FSD2: variants seen among roughly 807,000 people sequenced by gnomAD.
The protein encoded by FSD2 is fibronectin type III and SPRY domain containing 2.
Under a neutral mutation model 80.4 loss-of-function variants are expected in FSD2, and 71 were observed. The ratio of observed to expected loss-of-function variants is 0.88; its 90% CI spans 0.73 to 1.08. The LOEUF (loss-of-function observed/expected upper bound fraction) is 1.08. Among genes scored for constraint, FSD2 ranks in the 50% least tolerant of loss-of-function variants. The pLI is 0.00. For missense variants in FSD2, 923 were observed against 913.8 expected (o/e 1.01, Z -0.13); for synonymous variants, 361 against 329.5 (o/e 1.10, Z -1.03).
At chr15:82,774,784 C>T (rs1372700760) in intron 6 of FSD2, among the ~76,000 whole-genome samples, 1 of 150,622 alleles carries the variant, frequency 6.6e-6, no homozygotes, top group South Asian at 2.1e-4. Flanking sequence ...TGCAGTGGTG[C>T]GATCTCGGCT....
At chr15:82,783,487 T>C (rs1263342039) in intron 3 of FSD2, among the ~76,000 whole-genome samples, 1 of 152,216 alleles carries the variant, frequency 6.6e-6, no homozygotes, top group Non-Finnish European at 1.5e-5. Flanking sequence ...TGTTGGGAGT[T>C]GGAATGGAAA....
intron 6 of FSD2, among the ~76,000 whole-genome samples, chr15:82,777,288 A>G (rs892040082): frequency 1.3e-5 from 2 of 152,212 alleles, no homozygotes; most frequent in Non-Finnish European, 2.9e-5. Context: ...TGAAGAAACA[A>G]CCTGCAGAAT....
rs558795727 is a variant in FSD2, at chr15:82,778,157, T to TATAA, written c.1111+608_1111+609insTTAT. On this transcript the variant is annotated intron_variant, in intron 6 of 12. Coordinates refer to ENST00000334574, the MANE Select transcript of FSD2 (RefSeq NM_001007122.4). Reference sequence around the variant, plus strand: ...ATATATATATATATATATATATATATAATAACTATTACATGATCTAGTAAT... The same window carrying TATAA: ...ATATATATATATATATATATATATATATAAAATAACTATTACATGATCTAGTAAT... Among the ~76,000 whole-genome samples the TATAA allele has an allele frequency of 7.2e-3, 933 of 129,872 alleles. 29 individuals carry two copies. Among genetic ancestry groups the TATAA allele is most frequent in the African/African-American group, 0.027 (852 of 31,692 alleles). 85.2% of individuals were successfully genotyped at this position (129,872 alleles called of 152,430 possible).
intron 12 of FSD2, among the ~76,000 whole-genome samples, chr15:82,760,698 C>T (rs949100040): frequency 7.9e-5 from 12 of 151,396 alleles, no homozygotes; most frequent in Admixed American, 5.9e-4. Flanking sequence ...ACCTTACCTT[C>T]ATTCTCCACT....
chr15:82,770,923 A>G (rs2151496740), intron 7 of FSD2, among the ~76,000 whole-genome samples: 1 of 152,264 alleles, frequency 6.6e-6, no homozygotes, highest in African/African-American at 2.4e-5. Flanking sequence ...GTGTATCTGC[A>G]GGGGGTGCTG....
At chr15:82,771,555 G>GC in intron 7 of FSD2, among the ~76,000 whole-genome samples, 1 of 152,356 alleles carries the variant, frequency 6.6e-6, no homozygotes, top group South Asian at 2.1e-4. Context: ...CAGAGTGGAG[G>GC]CCGGGGGCCA....
chr15:82,798,058 G>A (rs1344301557), intron 1 of FSD2, among the ~76,000 whole-genome samples: 1 of 152,052 alleles, frequency 6.6e-6, no homozygotes, highest in Non-Finnish European at 1.5e-5. Flanking sequence ...AATATTACAG[G>A]TCAGGTACAG....
chr15:82,800,031 T>G (rs1480788500), intron 1 of FSD2, among the ~76,000 whole-genome samples: 2 of 152,174 alleles, frequency 1.3e-5, no homozygotes, highest in Admixed American at 6.5e-5. Flanking sequence ...ACATTCCTGC[T>G]GTAAGCCTCC....
intron 1 of FSD2, among the ~76,000 whole-genome samples, chr15:82,797,920 A>G (rs1257483146): frequency 6.6e-6 from 1 of 152,202 alleles, no homozygotes; most frequent in Non-Finnish European, 1.5e-5. Flanking sequence ...AAAGAAAAAA[A>G]GAGTTTAATA....
At chr15:82,783,773 A>G (rs928873498) in intron 3 of FSD2, among the ~76,000 whole-genome samples, 4 of 152,160 alleles carry the variant, frequency 2.6e-5, no homozygotes, top group African/African-American at 9.7e-5. Flanking sequence ...TGCTTGGATC[A>G]TACAAATATC....
intron 4 of FSD2, among the ~76,000 whole-genome samples, chr15:82,782,587 A>T (rs887920994): frequency 6.6e-6 from 1 of 152,196 alleles, no homozygotes; most frequent in Non-Finnish European, 1.5e-5. Context: ...CTGGCCACTC[A>T]CGTGGAAGCC....
chr15:82,767,392 G>A (rs1295196246), intron 9 of FSD2, among the ~76,000 whole-genome samples: 1 of 152,228 alleles, frequency 6.6e-6, no homozygotes, highest in Non-Finnish European at 1.5e-5. Context: ...ATGAAAAGTA[G>A]GAGGAACTGA....
intron 1 of FSD2, among the ~76,000 whole-genome samples, chr15:82,790,725 G>C (rs187009971): frequency 2.0e-5 from 3 of 147,426 alleles, no homozygotes; most frequent in Non-Finnish European, 3.0e-5. Flanking sequence ...ATAGGCGCCC[G>C]CCACCATGCC....
intron 8 of FSD2, among the ~76,000 whole-genome samples, chr15:82,769,327 T>C (rs1429124442): frequency 1.3e-5 from 2 of 151,924 alleles, no homozygotes; most frequent in African/African-American, 4.8e-5. Flanking sequence ...CCCAGCACTT[T>C]GGGAGGCCGA....
intron 9 of FSD2, among the ~76,000 whole-genome samples, chr15:82,767,536 T>A (rs1345698366): frequency 6.6e-6 from 1 of 152,212 alleles, no homozygotes; most frequent in East Asian, 1.9e-4. Flanking sequence ...ATTGGATTTG[T>A]ACTGGAAGAA....
chr15:82,778,941 T>C, intron 5 of FSD2, 54 bp from the exon 6 acceptor site: 1 of 1,596,636 alleles, frequency 6.3e-7, no homozygotes, highest in East Asian at 2.2e-5. Context: ...CTCCTTAGGG[T>C]ATATATATAG....
intron 1 of FSD2, among the ~76,000 whole-genome samples, chr15:82,798,903 G>T: frequency 7.9e-6 from 1 of 126,098 alleles, no homozygotes; most frequent in Non-Finnish European, 1.6e-5. Context: ...TTTGAGACAG[G>T]GTCTTGCTCT....
In FSD2 at chr15:82,778,889, T is replaced by C. The variant is rs1192303219; in HGVS notation, c.990-2A>G. 2 of 1,613,818 alleles carry C rather than the reference T, an allele frequency of 1.2e-6. No homozygotes were observed. Among genetic ancestry groups the C allele is most frequent in the African/African-American group, 2.7e-5 (2 of 74,912 alleles). On this transcript the variant is annotated splice_acceptor_variant, in intron 5 of 12. Transcript: ENST00000334574. LOFTEE classifies it high-confidence loss of function. ...TTTGTTTTCAGGAATTTCCCGAGTC[T>C]GTTGGTATAAAAAGACATGCTGACT...
At position 82,769,905 on chromosome 15, in the gene FSD2, G is replaced by T. The variant is rs533926287; in HGVS notation, c.1268-21C>A. On this transcript the variant is annotated intron_variant, in intron 7 of 12. Coordinates refer to ENST00000334574, the MANE Select transcript of FSD2 (RefSeq NM_001007122.4). Reference sequence around the variant, plus strand: ...AAACTCTGGGGAAAAAAAAAGATAAGAATTCAACCCTAAAAACTGGCCAAG... The same window carrying T: ...AAACTCTGGGGAAAAAAAAAGATAATAATTCAACCCTAAAAACTGGCCAAG... 5 of 1,612,158 alleles carry T rather than the reference G, an allele frequency of 3.1e-6. No homozygotes were observed. In the South Asian group the frequency reaches 4.4e-5, roughly 14 times the overall value.
Sources: allele counts gnomAD v4.1 joint callset (sites outside exome capture counted in the v4.1 genomes callset), GRCh38; gene constraint gnomAD v4.1.1; transcripts MANE v1.5; gene names NCBI Gene and HGNC (gene_info 2026-07-23, HGNC 2026-07-21).